Variants in XPO1 observed in about 807,000 individuals in gnomAD.
XPO1 encodes the protein exportin-1.
XPO1 carries 5 observed loss-of-function variants against 133.3 expected under a neutral mutation model. The ratio of observed to expected loss-of-function variants is 0.04; its 90% confidence interval spans 0.02 to 0.08. The LOEUF (loss-of-function observed/expected upper bound fraction) is 0.08. XPO1 is among the 10% of genes least tolerant of loss of function. XPO1 has a pLI of 1.00. For missense variants in XPO1, 506 were observed against 1,267.5 expected (o/e 0.40, Z 9.12); for synonymous variants, 419 against 408.2 (o/e 1.03, Z -0.32).
intron 2 of XPO1, among the ~76,000 whole-genome samples, chr2:61,531,297 T>C (rs1012844984): frequency 1.3e-5 from 2 of 152,232 alleles, no homozygotes; most frequent in African/African-American, 2.4e-5. Context: ...TGTCACATGA[T>C]CTATTAACTA....
chr2:61,528,738 TATATATATATATATATATATATA>T (rs1699024641), intron 2 of XPO1, among the ~76,000 whole-genome samples: 1 of 4,234 alleles, frequency 2.4e-4, no homozygotes. Flanking sequence ...TTTATTTATA[TATATATATATATATATATATATA>T]TATATATATA....
intron 9 of XPO1, among the ~76,000 whole-genome samples, chr2:61,497,481 G>C (rs899009561): frequency 6.6e-6 from 1 of 152,192 alleles, no homozygotes; most frequent in Admixed American, 6.6e-5. Flanking sequence ...AAAGTGCTGG[G>C]ATTACAGGCG....
intron 1 of XPO1, among the ~76,000 whole-genome samples, chr2:61,535,441 A>C (rs74549028): frequency 0.019 from 2,820 of 152,336 alleles, 91 homozygotes; most frequent in African/African-American, 0.063. Flanking sequence ...TTCGTGGACC[A>C]GAAAATGAGT....
At chr2:61,484,254 T>A in intron 20 of XPO1, 149 bp from the exon 21 acceptor site, 1 of 618,558 alleles carries the variant, frequency 1.6e-6, no homozygotes, top group Non-Finnish European at 2.7e-6. Context: ...TAAACCCAAG[T>A]AAAATACAAT....
rs1020241665 is a variant in XPO1, at chr2:61,519,567, C to CG, written c.301+3043dup. ...AAAAAAAATTAGCTGGGTGTGGTGG[C>CG]GGGTGCCTGTAGTCCCAGCTACTCA... is the stretch of plus-strand genomic sequence containing the variant. On this transcript the variant is annotated intron_variant, in intron 4 of 24. Transcript: ENST00000401558. 3.3e-5 allele frequency among the ~76,000 whole-genome samples: 5 copies of CG among 149,390 alleles called. No homozygotes were observed. In the Admixed American group the frequency reaches 3.4e-4, roughly 10 times the overall value.
chr2:61,518,278 C>T (rs1280071539), intron 4 of XPO1, among the ~76,000 whole-genome samples: 3 of 151,644 alleles, frequency 2.0e-5, no homozygotes, highest in Non-Finnish European at 2.9e-5. Context: ...AAAAGCCAGG[C>T]GCGGTGGTTC....
intron 4 of XPO1, among the ~76,000 whole-genome samples, chr2:61,512,944 G>A (rs777427125): frequency 1.3e-5 from 2 of 152,118 alleles, no homozygotes; most frequent in South Asian, 4.1e-4. Flanking sequence ...AGTTTGCAGT[G>A]AGCCAAGATC....
At chr2:61,528,729 TTATTTATATATATATATATATATA>T (rs1311472556) in intron 2 of XPO1, among the ~76,000 whole-genome samples, 4 of 98,898 alleles carry the variant, frequency 4.0e-5, no homozygotes, top group Admixed American at 1.3e-4. Flanking sequence ...TGTCGACATT[TTATTTATATATATATATATATATA>T]TATATATATA....
At chr2:61,537,473 CGCCGCCGCCGCGCCCCACGCCG>C (rs1230627463) in intron 1 of XPO1, 67 bp downstream of exon 1, 2 of 147,458 alleles carry the variant, frequency 1.4e-5, no homozygotes, top group Admixed American at 1.4e-4. Flanking sequence ...TTCCCGCGGC[CGCCGCCGCCGCGCCCCACGCCG>C]GCCTCCTCCC....
rs1358350736 is a variant in XPO1 at position 61,537,769 on chromosome 2, A to ACACACACACACACACACACC, written c.-215_-214insGGTGTGTGTGTGTGTGTGTG. 8 of 151,938 alleles carry ACACACACACACACACACACC rather than the reference A, an allele frequency of 5.3e-5. No individual in the cohort carries two copies. Among genetic ancestry groups the ACACACACACACACACACACC allele is most frequent in the African/African-American group, 2.0e-4 (8 of 40,404 alleles). 9.4% of individuals were successfully genotyped at this position (151,938 alleles called of 1,614,324 possible). A position where few individuals can be genotyped will look rare whatever the true frequency, so the allele number is the denominator to read the frequency against. On this transcript the variant is annotated 5_prime_UTR_variant, in exon 1 of 25. Coordinates refer to ENST00000401558, the MANE Select transcript of XPO1 (RefSeq NM_003400.4). ...CTTCCCCCAACACACACACACACAC[A>ACACACACACACACACACACC]CACACACACACACACCCGCCCCCCC...
intron 3 of XPO1, chr2:61,525,215 G>T: frequency 1.0e-6 from 1 of 968,898 alleles, no homozygotes; most frequent in Non-Finnish European, 1.2e-6. Flanking sequence ...CACCGCCCAT[G>T]AAACAAAAAC....
intron 4 of XPO1, among the ~76,000 whole-genome samples, chr2:61,517,536 T>A (rs1449097731): frequency 6.6e-6 from 1 of 152,198 alleles, no homozygotes; most frequent in Non-Finnish European, 1.5e-5. Context: ...CAGTGTGCTA[T>A]GATTGTGCCA....
intron 2 of XPO1, among the ~76,000 whole-genome samples, chr2:61,527,632 A>G (rs1698964137): frequency 6.6e-6 from 1 of 152,244 alleles, no homozygotes; most frequent in South Asian, 2.1e-4. Context: ...TAATTAAACC[A>G]CAAATCCCAA....
At chr2:61,527,725 A>C (rs1271034044) in intron 2 of XPO1, among the ~76,000 whole-genome samples, 1 of 152,044 alleles carries the variant, frequency 6.6e-6, no homozygotes, top group Non-Finnish European at 1.5e-5. Context: ...AAATTTCACT[A>C]ATTTCATATA....
chr2:61,499,049 T>C lies in XPO1; in HGVS notation c.591-136A>G, dbSNP rs551988405. On this transcript the variant is annotated intron_variant, in intron 7 of 24. Coordinates refer to ENST00000401558, the MANE Select transcript of XPO1 (RefSeq NM_003400.4). ...GTAATCGCAGAACTTTGGGAGGCCA[T>C]GGCAGAAGGATTGTTTGAGACCAGC... 6.9e-6 allele frequency: 7 copies of C among 1,013,390 alleles called. No homozygotes were observed. In the East Asian group the frequency reaches 8.0e-5, roughly 12 times the overall value. The allele number at this position is 1,013,390 out of a possible 1,614,324, so 62.8% of individuals were successfully genotyped here. A position where few individuals can be genotyped will look rare whatever the true frequency, so the allele number is the denominator to read the frequency against.
At chr2:61,531,097 C>T (rs1203819875) in intron 2 of XPO1, among the ~76,000 whole-genome samples, 1 of 152,146 alleles carries the variant, frequency 6.6e-6, no homozygotes, top group Non-Finnish European at 1.5e-5. Flanking sequence ...TATAGCAGCT[C>T]GCTGCTACTA....
chr2:61,500,777 C>T (rs1314143709), intron 6 of XPO1, among the ~76,000 whole-genome samples: 2 of 151,744 alleles, frequency 1.3e-5, no homozygotes, highest in Non-Finnish European at 2.9e-5. Flanking sequence ...CCAGCATGGG[C>T]GACAGAGCGA....
At chr2:61,511,122 C>A (rs996440851) in intron 4 of XPO1, among the ~76,000 whole-genome samples, 3 of 151,908 alleles carry the variant, frequency 2.0e-5, no homozygotes, top group Non-Finnish European at 2.9e-5. Flanking sequence ...GAAAATACTG[C>A]TTTCTTTTCT....
chr2:61,482,477 T>G lies in XPO1; in HGVS notation c.2875A>C (p.Ser959Arg). ...MFNLVEEGKISTSLNPGNPVN... is the reference protein window; with the variant it reads ...MFNLVEEGKIRTSLNPGNPVN... ...GGATTTCCAGGATTTAATGATGTAC[T>G]TATTTTTCCTTCTTCAACCAAATTA... The change falls in exon 23 of 25, where the codon AGT becomes CGT. Residue 959 changes from serine (S) to arginine (R), a missense_variant. Transcript: ENST00000401558. The G allele has an allele frequency of 1.2e-6, 2 of 1,613,454 alleles. No homozygotes were observed. The highest frequency in any genetic ancestry group is 1.7e-6 in the Non-Finnish European group (2 of 1,179,756).
Sources: allele counts gnomAD v4.1 joint callset (sites outside exome capture counted in the v4.1 genomes callset), GRCh38; gene constraint gnomAD v4.1.1; transcripts MANE v1.5; gene names NCBI Gene and HGNC (gene_info 2026-07-23, HGNC 2026-07-21).